The following RBFOX1 variants were observed in gnomAD, a reference collection of about 807,000 sequenced individuals.
The protein encoded by RBFOX1 is RNA binding protein fox-1 homolog 1.
RBFOX1 carries 8 observed loss-of-function variants against 57.7 expected under a neutral mutation model. That is an observed-to-expected ratio of 0.14 (90% CI 0.08 to 0.25). RBFOX1 has a LOEUF of 0.25. Among genes scored for constraint, RBFOX1 ranks in the 10% least tolerant of loss-of-function variants. The pLI is 1.00. For missense variants in RBFOX1, 611 were observed against 548.5 expected (o/e 1.11, Z -1.14); for synonymous variants, 326 against 222.4 (o/e 1.47, Z -4.15).
rs186693259 is a variant in RBFOX1, at chr16:6,533,712, G to A, written c.-63-120891G>A. Among the ~76,000 whole-genome samples the A allele has an allele frequency of 9.6e-4, 146 of 152,114 alleles. 1 individual carries two copies. Among genetic ancestry groups the A allele is most frequent in the Middle Eastern group, 3.4e-3 (1 of 294 alleles). On this transcript the variant is annotated intron_variant, in intron 2 of 15. Coordinates refer to ENST00000550418, the MANE Select transcript of RBFOX1 (RefSeq NM_018723.4). Reference sequence around the variant, plus strand: ...TTAACTCAGATCCATGTTTTCCATCGTAGACACAAATTAACTGAAGATAGG... The same window carrying A: ...TTAACTCAGATCCATGTTTTCCATCATAGACACAAATTAACTGAAGATAGG...
intron 1 of RBFOX1, among the ~76,000 whole-genome samples, chr16:6,234,056 C>T (rs761198718): frequency 2.0e-5 from 3 of 152,118 alleles, no homozygotes; most frequent in Non-Finnish European, 4.4e-5. Context: ...GGCAGATGGG[C>T]AGGCTGGCCA....
chr16:5,999,827 C>T (rs1211085198), intron 4 of RBFOX1, among the ~76,000 whole-genome samples: 1 of 123,366 alleles, frequency 8.1e-6, no homozygotes, highest in Non-Finnish European at 1.6e-5. Context: ...CAGATCGCAC[C>T]ACTGCGCTCC....
intron 3 of RBFOX1, among the ~76,000 whole-genome samples, chr16:6,932,190 A>G (rs1045654103): frequency 1.3e-5 from 2 of 151,892 alleles, no homozygotes; most frequent in African/African-American, 4.8e-5. Flanking sequence ...TGCAACCTCC[A>G]CCTCCTGTGC....
At chr16:6,482,724 A>T (rs1434744231) in intron 2 of RBFOX1, among the ~76,000 whole-genome samples, 2 of 152,188 alleles carry the variant, frequency 1.3e-5, no homozygotes, top group Non-Finnish European at 2.9e-5. Context: ...AATAGGATGA[A>T]AGCCTAGCTG....
chr16:6,970,236 A>G (rs1200871288), intron 3 of RBFOX1, among the ~76,000 whole-genome samples: 3 of 151,056 alleles, frequency 2.0e-5, no homozygotes, highest in Non-Finnish European at 4.4e-5. Context: ...ATGAAAAACC[A>G]AAAAAAAAGT....
chr16:7,255,060 T>A (rs1418793741), intron 4 of RBFOX1, among the ~76,000 whole-genome samples: 1 of 152,150 alleles, frequency 6.6e-6, no homozygotes, highest in Non-Finnish European at 1.5e-5. Flanking sequence ...TTTTAATATT[T>A]TATTCATAAT....
At chr16:5,284,053 G>C (rs1351339892) in intron 1 of RBFOX1, among the ~76,000 whole-genome samples, 1 of 152,024 alleles carries the variant, frequency 6.6e-6, no homozygotes, top group African/African-American at 2.4e-5. Context: ...CTGTTCTCAT[G>C]ATAGTGAATA....
chr16:5,288,363 A>T (rs1418793695), intron 1 of RBFOX1, among the ~76,000 whole-genome samples: 1 of 151,992 alleles, frequency 6.6e-6, no homozygotes, highest in South Asian at 2.1e-4. Flanking sequence ...GGGGGCACTC[A>T]CTTGTTAGAG....
chr16:7,261,059 T>C (rs954232687), intron 4 of RBFOX1, among the ~76,000 whole-genome samples: 1 of 152,068 alleles, frequency 6.6e-6, no homozygotes, highest in Admixed American at 6.5e-5. Context: ...ACCTGAAAAA[T>C]GGCCCAAAAT....
chr16:5,813,362 A>G (rs894847292), intron 3 of RBFOX1, among the ~76,000 whole-genome samples: 1 of 152,016 alleles, frequency 6.6e-6, no homozygotes, highest in African/African-American at 2.4e-5. Flanking sequence ...TCGTCACCCA[A>G]ACAGAAAACT....
At chr16:7,627,682 A>C (rs1005821717) in intron 10 of RBFOX1, among the ~76,000 whole-genome samples, 1 of 152,094 alleles carries the variant, frequency 6.6e-6, no homozygotes, top group Non-Finnish European at 1.5e-5. Context: ...TTTTAAAACA[A>C]ACACACTTAC....
At chr16:5,734,972 A>G (rs2052518952) in intron 3 of RBFOX1, among the ~76,000 whole-genome samples, 1 of 152,190 alleles carries the variant, frequency 6.6e-6, no homozygotes, top group South Asian at 2.1e-4. Flanking sequence ...GCTCACACAA[A>G]CTGGCCACAA....
chr16:5,337,568 A>C (rs1463861111), intron 1 of RBFOX1, among the ~76,000 whole-genome samples: 2 of 152,220 alleles, frequency 1.3e-5, no homozygotes, highest in African/African-American at 2.4e-5. Context: ...TATGGCATAA[A>C]ATAAATGCTC....
At chr16:6,659,580 C>T (rs994779988) in intron 3 of RBFOX1, among the ~76,000 whole-genome samples, 1 of 152,080 alleles carries the variant, frequency 6.6e-6, no homozygotes, top group Non-Finnish European at 1.5e-5. Flanking sequence ...AGTGACTTGC[C>T]TGAGATCACT....
chr16:6,583,989 G>GACA (rs1297879760), intron 2 of RBFOX1, among the ~76,000 whole-genome samples: 5 of 139,338 alleles, frequency 3.6e-5, no homozygotes, highest in Non-Finnish European at 7.8e-5. Flanking sequence ...CAATAACAAC[G>GACA]ACAACAACAT....
At chr16:5,841,389 A>T (rs1398699238) in intron 3 of RBFOX1, among the ~76,000 whole-genome samples, 1 of 152,154 alleles carries the variant, frequency 6.6e-6, no homozygotes, top group Non-Finnish European at 1.5e-5. Flanking sequence ...CCATCTATCC[A>T]TCAACCTTCT....
intron 3 of RBFOX1, among the ~76,000 whole-genome samples, chr16:6,764,878 A>C (rs1336715884): frequency 2.0e-5 from 3 of 152,166 alleles, no homozygotes; most frequent in African/African-American, 7.2e-5. Context: ...TGAAGGTTGC[A>C]GTGAGCCGAG....
chr16:5,699,808 C>A lies in RBFOX1; in HGVS notation c.318+100847C>A, dbSNP rs144031778. Among the ~76,000 whole-genome samples the A allele has an allele frequency of 1.1e-4, 16 of 152,242 alleles. No individual in the cohort carries two copies. In the South Asian group the frequency reaches 2.3e-3, roughly 22 times the overall value. On this transcript the variant is annotated intron_variant, in intron 3 of 19. Coordinates refer to the RBFOX1 transcript ENST00000641259. The stretch of plus-strand genomic sequence containing the variant: ...ATAAGATGGCATGGATTTTAGCAGA[C>A]ATTATCTTTGTGTTCTGGTTTTATT...
chr16:5,724,189 A>C (rs561677072), intron 3 of RBFOX1, among the ~76,000 whole-genome samples: 1 of 152,172 alleles, frequency 6.6e-6, no homozygotes, highest in Admixed American at 6.5e-5. Flanking sequence ...GTGGCAAGAT[A>C]TTCTTTGGAG....
Sources: gnomAD v4.1 joint callset for allele counts (sites outside exome capture counted in the v4.1 genomes callset) on GRCh38, gnomAD v4.1.1 for gene constraint, MANE v1.5 for transcripts, NCBI Gene and HGNC (gene_info 2026-07-23, HGNC 2026-07-21) for gene names.